The following ANK2 variants were observed in gnomAD, a reference collection of about 807,000 sequenced individuals.
The protein encoded by ANK2 is ankyrin 2.
In ANK2, 83 loss-of-function variants were observed where a neutral mutation model predicts 360.5. The observed-to-expected ratio is 0.23, with a 90% CI of 0.19 to 0.28. The LOEUF is 0.28. ANK2 is among the 10% of genes least tolerant of loss of function. The pLI, the probability that ANK2 is intolerant of heterozygous loss-of-function variation, is 1.00. For synonymous variants in ANK2, 1,740 were observed against 1,759.5 expected (o/e 0.99, Z 0.28); for missense variants, 4,201 against 4,795.7 (o/e 0.88, Z 3.66).
rs2093493242 is a variant in ANK2, at chr4:113,336,118, G to C, written c.3591+61G>C. 12 of 1,556,534 alleles carry C rather than the reference G, an allele frequency of 7.7e-6. No homozygotes were observed. The South Asian group carries it at 1.2e-4, about 16-fold the overall frequency. On this transcript the variant is annotated intron_variant, in intron 30 of 45. Coordinates refer to ENST00000357077, the MANE Select transcript of ANK2 (RefSeq NM_001148.6). ...ATTGTATTCTAATGATTAAAAATTA[G>C]CTTTGTCAAGGACTGTTACCTTTGT...
At chr4:113,091,096 T>C (rs193204291) in intron 1 of ANK2, among the ~76,000 whole-genome samples, 150 of 152,332 alleles carry the variant, frequency 9.8e-4, no homozygotes, top group African/African-American at 3.3e-3. Flanking sequence ...AAGCTCTGAA[T>C]AGCAGTGGTA....
chr4:112,813,791 C>A (rs2055462222), upstream of ANK2, among the ~76,000 whole-genome samples: 1 of 152,180 alleles, frequency 6.6e-6, no homozygotes, highest in Non-Finnish European at 1.5e-5. Context: ...CCATCTTGGC[C>A]ACCCAAAGTG....
At chr4:112,755,203 A>T in the ANK2 span, among the ~76,000 whole-genome samples, 13 of 152,244 alleles carry the variant, frequency 8.5e-5, no homozygotes, top group East Asian at 2.3e-3. Context: ...CACATTCTGG[A>T]TATGTCTCAT....
At chr4:112,879,868 T>A (rs894935948) in intron 1 of ANK2, among the ~76,000 whole-genome samples, 3 of 152,182 alleles carry the variant, frequency 2.0e-5, no homozygotes, top group Non-Finnish European at 4.4e-5. Context: ...CTTCTGTGTC[T>A]CCAGCCAGGA....
At chr4:113,073,615 G>A (rs1002932202) in intron 1 of ANK2, among the ~76,000 whole-genome samples, 2 of 152,016 alleles carry the variant, frequency 1.3e-5, no homozygotes, top group Non-Finnish European at 2.9e-5. Context: ...AACAGCATAC[G>A]GTCTTGTTTC....
chr4:113,189,143 AG>A (rs1201005020), intron 2 of ANK2, among the ~76,000 whole-genome samples: 2 of 152,198 alleles, frequency 1.3e-5, no homozygotes, highest in Non-Finnish European at 2.9e-5. Context: ...ATGATTGCTC[AG>A]AGGAGAAAGT....
chr4:113,151,202 C>A, intron 1 of ANK2: 1 of 1,170,226 alleles, frequency 8.5e-7, no homozygotes, highest in Non-Finnish European at 1.1e-6. Context: ...ACCTTCTGCT[C>A]AAAAAAGGAA....
At chr4:113,360,769 G>T (rs928995780) in intron 38 of ANK2, 54 bp from the exon 39 acceptor site, 2 of 1,509,486 alleles carry the variant, frequency 1.3e-6, no homozygotes, top group Admixed American at 3.5e-5. Flanking sequence ...CAGTACTGTG[G>T]TTCCTCTCCT....
intron 5 of ANK2, among the ~76,000 whole-genome samples, chr4:113,233,551 G>A (rs1345922499): frequency 1.3e-5 from 2 of 152,118 alleles, no homozygotes; most frequent in South Asian, 2.1e-4. Context: ...AATTTTTAAT[G>A]TCTAATATGG....
At chr4:113,046,073 A>G (rs562766724), upstream of ANK2, among the ~76,000 whole-genome samples, 19 of 152,236 alleles carry the variant, frequency 1.2e-4, no homozygotes, top group East Asian at 2.5e-3. Flanking sequence ...TTAGGATAGG[A>G]AGTGAAGAAT....
At chr4:113,150,966 A>C in intron 1 of ANK2, 2 of 857,790 alleles carry the variant, frequency 2.3e-6, no homozygotes, top group Non-Finnish European at 1.6e-6. Flanking sequence ...TTTTCTTTGA[A>C]GTTCCTACCA....
chr4:113,196,067 G>A (rs772855122), intron 2 of ANK2, among the ~76,000 whole-genome samples: 7 of 152,088 alleles, frequency 4.6e-5, no homozygotes, highest in Non-Finnish European at 1.0e-4. Context: ...ACAATAAATG[G>A]TATAAAATTG....
At chr4:113,203,660 G>A (rs965083194) in intron 4 of ANK2, among the ~76,000 whole-genome samples, 2 of 152,078 alleles carry the variant, frequency 1.3e-5, no homozygotes, top group Non-Finnish European at 2.9e-5. Flanking sequence ...TAATAATACA[G>A]GTAATAACAT....
chr4:112,976,911 G>C (rs2041621554), intron 2 of ANK2, among the ~76,000 whole-genome samples: 1 of 152,172 alleles, frequency 6.6e-6, no homozygotes, highest in Non-Finnish European at 1.5e-5. Flanking sequence ...TAGAAAGGGT[G>C]ACCTCACTTA....
At chr4:112,974,847 GAAA>G (rs766021382) in intron 2 of ANK2, among the ~76,000 whole-genome samples, 12 of 124,232 alleles carry the variant, frequency 9.7e-5, no homozygotes, top group African/African-American at 3.5e-4. Flanking sequence ...TATAGAAAAA[GAAA>G]AAAAAAAAAA....
chr4:112,812,649 CT>C, the ANK2 span, among the ~76,000 whole-genome samples: 65 of 152,276 alleles, frequency 4.3e-4, no homozygotes, highest in South Asian at 0.013. Context: ...CCTCTGAACC[CT>C]TCCCAGACTA....
In ANK2 at chr4:112,973,895, A is replaced by C. The variant is rs2154267639; in HGVS notation, c.21+69381A>C. Among the ~76,000 whole-genome samples the C allele has an allele frequency of 2.0e-5, 3 of 152,328 alleles. No homozygotes were observed. In the Middle Eastern group the frequency reaches 0.01, roughly 518 times the overall value. On this transcript the variant is annotated intron_variant, in intron 2 of 30. Coordinates refer to the ANK2 transcript ENST00000503271. Reference sequence around the variant, plus strand: ...CGGAAAGTAAGGAATGTTTTATTACAATCCAAGAAAACCCGAAACTACTCA... The same window carrying C: ...CGGAAAGTAAGGAATGTTTTATTACCATCCAAGAAAACCCGAAACTACTCA...
At chr4:113,214,508 A>T (rs2099064144) in intron 4 of ANK2, 3 of 604,986 alleles carry the variant, frequency 5.0e-6, no homozygotes, top group Non-Finnish European at 8.8e-6. Context: ...TATTTATTAC[A>T]TTCATTAATT....
chr4:113,134,716 T>C (rs1281454313), intron 1 of ANK2, among the ~76,000 whole-genome samples: 3 of 152,190 alleles, frequency 2.0e-5, no homozygotes, highest in Non-Finnish European at 4.4e-5. Flanking sequence ...GTCTCTTTTA[T>C]TGATAATTCT....
Sources: gnomAD v4.1 joint callset for allele counts (sites outside exome capture counted in the v4.1 genomes callset) on GRCh38, gnomAD v4.1.1 for gene constraint, MANE v1.5 for transcripts, NCBI Gene and HGNC (gene_info 2026-07-23, HGNC 2026-07-21) for gene names.